LRP1B: variants seen among roughly 807,000 people sequenced by gnomAD.
The protein encoded by LRP1B is LDL receptor related protein 1B.
Under a neutral mutation model 556.6 loss-of-function variants are expected in LRP1B, and 217 were observed. That is an observed-to-expected ratio of 0.39 (90% CI 0.35 to 0.44). The LOEUF is 0.44. LRP1B is among the 20% of genes least tolerant of loss of function. The pLI, the probability that LRP1B is intolerant of heterozygous loss-of-function variation, is 1.00. For missense variants in LRP1B, 5,053 were observed against 5,620.8 expected (o/e 0.90, Z 3.23); for synonymous variants, 2,047 against 1,865.8 (o/e 1.10, Z -2.50).
intron 1 of LRP1B, among the ~76,000 whole-genome samples, chr2:142,004,096 A>C (rs1702736399): frequency 6.6e-6 from 1 of 152,222 alleles, no homozygotes; most frequent in Admixed American, 6.5e-5. Flanking sequence ...GGCAGAAGGA[A>C]GATTCAAATT....
chr2:141,135,524 G>A (rs966110334), intron 7 of LRP1B, among the ~76,000 whole-genome samples: 3 of 151,996 alleles, frequency 2.0e-5, no homozygotes, highest in African/African-American at 7.2e-5. Flanking sequence ...GCACACGCGT[G>A]CACACATGCC....
At chr2:141,449,088 CCTTAA>C (rs1239681580) in intron 3 of LRP1B, among the ~76,000 whole-genome samples, 11 of 152,292 alleles carry the variant, frequency 7.2e-5, no homozygotes, top group East Asian at 5.8e-4. Context: ...ATCTTCCTTT[CCTTAA>C]CTTAACTGCC....
intron 41 of LRP1B, among the ~76,000 whole-genome samples, chr2:140,686,879 G>T (rs1040430868): frequency 2.6e-5 from 4 of 151,968 alleles, no homozygotes; most frequent in Non-Finnish European, 4.4e-5. Context: ...ATAGGAAAGT[G>T]GTAGGAACAG....
chr2:140,851,173 T>C (rs1415488611), intron 28 of LRP1B, among the ~76,000 whole-genome samples: 1 of 152,192 alleles, frequency 6.6e-6, no homozygotes, highest in African/African-American at 2.4e-5. Context: ...TGTGGAGTTT[T>C]TTTTACAAAT....
Position 140,393,117 on chromosome 2 carries a change from A to G in LRP1B, c.10415-7108T>C, listed in dbSNP as rs369917334. Among the ~76,000 whole-genome samples the G allele has an allele frequency of 1.8e-3, 265 of 150,376 alleles. 2 individuals carry two copies. The highest frequency in any genetic ancestry group is 6.3e-3 in the African/African-American group (257 of 41,038). ...TAATTTGTTTTCTTTTATTTTTTGT[A>G]GAGATGGAGTCTAAGTTTCCCATTC... On this transcript the variant is annotated intron_variant, in intron 66 of 90. Coordinates refer to ENST00000389484, the MANE Select transcript of LRP1B (RefSeq NM_018557.3).
chr2:140,898,259 T>TGGGTCTTC, intron 23 of LRP1B, among the ~76,000 whole-genome samples: 1 of 152,288 alleles, frequency 6.6e-6, no homozygotes, highest in African/African-American at 2.4e-5. Context: ...CCTGGGTCTT[T>TGGGTCTTC]GGGTCTTCAT....
intron 14 of LRP1B, among the ~76,000 whole-genome samples, chr2:141,011,999 T>C (rs1697763793): frequency 6.6e-6 from 1 of 152,100 alleles, no homozygotes; most frequent in Non-Finnish European, 1.5e-5. Context: ...GGCACAGTGC[T>C]ATGTAAGTTC....
chr2:141,633,229 C>G (rs1018146630), intron 2 of LRP1B, among the ~76,000 whole-genome samples: 2 of 152,114 alleles, frequency 1.3e-5, no homozygotes, highest in Non-Finnish European at 2.9e-5. Flanking sequence ...GATGGGAGCT[C>G]TCTCTCTGAC....
At chr2:141,105,291 C>A (rs530586855) in intron 7 of LRP1B, among the ~76,000 whole-genome samples, 19 of 151,680 alleles carry the variant, frequency 1.3e-4, no homozygotes, top group African/African-American at 4.3e-4. Context: ...AACTTAGATA[C>A]ATGAATTTTT....
At chr2:141,897,000 A>G (rs1574473190) in intron 1 of LRP1B, among the ~76,000 whole-genome samples, 1 of 152,160 alleles carries the variant, frequency 6.6e-6, no homozygotes, top group African/African-American at 2.4e-5. Context: ...TACGGCTTCC[A>G]GATCCAAGCT....
At chr2:141,890,323 C>CATACATAT (rs1170715951) in intron 1 of LRP1B, among the ~76,000 whole-genome samples, 1 of 83,818 alleles carries the variant, frequency 1.2e-5, no homozygotes, top group African/African-American at 4.4e-5. Context: ...GGGCACAATA[C>CATACATAT]ATATATATAT....
chr2:140,761,078 C>T (rs542906664), intron 35 of LRP1B, among the ~76,000 whole-genome samples: 4 of 152,234 alleles, frequency 2.6e-5, no homozygotes, highest in East Asian at 1.9e-4. Context: ...ATTTGTGAAA[C>T]ATTTGGCATT....
intron 32 of LRP1B, among the ~76,000 whole-genome samples, chr2:140,800,419 C>A (rs1014439601): frequency 5.9e-5 from 9 of 152,106 alleles, no homozygotes; most frequent in African/African-American, 2.2e-4. Flanking sequence ...AAGTTTGCTG[C>A]ACTATTTATT....
chr2:140,526,372 C>G (rs189759792), intron 47 of LRP1B, 22 bp from the exon 48 acceptor site: 1 of 1,380,196 alleles, frequency 7.2e-7, no homozygotes, highest in Non-Finnish European at 1.0e-6. Context: ...GGTACATAAA[C>G]AAATGCAAAG....
chr2:141,109,325 C>T (rs1179073861), intron 7 of LRP1B, among the ~76,000 whole-genome samples: 1 of 152,150 alleles, frequency 6.6e-6, no homozygotes, highest in Non-Finnish European at 1.5e-5. Flanking sequence ...GAATTAAACT[C>T]TTTATTGCAA....
chr2:141,721,796 T>C (rs1692824029), intron 2 of LRP1B, among the ~76,000 whole-genome samples: 1 of 152,124 alleles, frequency 6.6e-6, no homozygotes, highest in African/African-American at 2.4e-5. Context: ...ATTATTCGTA[T>C]GGTAGCAAAA....
intron 7 of LRP1B, among the ~76,000 whole-genome samples, chr2:141,171,001 T>A (rs1680477745): frequency 6.6e-6 from 1 of 152,076 alleles, no homozygotes; most frequent in South Asian, 2.1e-4. Flanking sequence ...CCTTAAAAAA[T>A]AAATAAATAA....
At chr2:141,278,356 T>C (rs1175030397) in intron 3 of LRP1B, among the ~76,000 whole-genome samples, 4 of 152,118 alleles carry the variant, frequency 2.6e-5, no homozygotes, top group Non-Finnish European at 4.4e-5. Context: ...CTAGTATAAA[T>C]AGTATATAAT....
At chr2:140,273,098 A>G (rs1437097447) in intron 85 of LRP1B, among the ~76,000 whole-genome samples, 1 of 151,824 alleles carries the variant, frequency 6.6e-6, no homozygotes, top group Non-Finnish European at 1.5e-5. Flanking sequence ...CCAAGGTAAA[A>G]TGGGTAGGAA....
Sources: allele counts gnomAD v4.1 joint callset (sites outside exome capture counted in the v4.1 genomes callset), GRCh38; gene constraint gnomAD v4.1.1; transcripts MANE v1.5; gene names NCBI Gene and HGNC (gene_info 2026-07-23, HGNC 2026-07-21).